MOCS1: variants seen among roughly 807,000 people sequenced by gnomAD.
The protein encoded by MOCS1 is molybdenum cofactor synthesis 1.
In MOCS1, 39 loss-of-function variants were observed where a neutral mutation model predicts 57.6. The observed-to-expected ratio is 0.68, with a 90% CI of 0.52 to 0.88. The LOEUF (loss-of-function observed/expected upper bound fraction) is 0.88. Ranked by LOEUF, MOCS1 falls within the 40% of genes least tolerant of loss-of-function variation. The pLI is 0.00. For missense variants in MOCS1, 795 were observed against 831.1 expected (o/e 0.96, Z 0.53); for synonymous variants, 334 against 335.7 (o/e 1.00, Z 0.05).
rs1766966790 is a variant in MOCS1 at position 39,906,618 on chromosome 6, C to T, written c.1650G>A (p.Leu550=). 6.2e-7 allele frequency: 1 copy of T among 1,613,802 alleles called. No homozygotes were observed. Among genetic ancestry groups the T allele is most frequent in the South Asian group, 1.1e-5 (1 of 91,090 alleles). The part of the protein sequence containing the change: ...GVQAAKVTSQ[L]IPLCHHVALS... The stretch of plus-strand genomic sequence containing the variant: ...GGGCCACGTGGTGGCACAGAGGGAT[C>T]AGCTGGCTGGTCACCTTGGCTGCCT... Residue 550 remains leucine (L), a synonymous_variant, in exon 11 of 11, where the codon CTG becomes CTA. Coordinates refer to ENST00000340692, the MANE Select transcript of MOCS1 (RefSeq NM_001358530.2).
intron 1 of MOCS1, chr6:39,927,657 T>A: frequency 6.3e-7 from 1 of 1,578,678 alleles, no homozygotes; most frequent in South Asian, 1.1e-5. Flanking sequence ...GACCCACCCC[T>A]TAAGTATTCA....
rs1227721462 is a variant in MOCS1 at position 39,913,221 on chromosome 6, C to T, written c.757+96G>A. The T allele has an allele frequency of 4.3e-5, 46 of 1,080,482 alleles. No individual in the cohort carries two copies. The East Asian group carries it at 1.0e-3, about 24-fold the overall frequency. 66.9% of individuals were successfully genotyped at this position (1,080,482 alleles called of 1,614,324 possible). On this transcript the variant is annotated intron_variant, in intron 6 of 10. Transcript: ENST00000340692. ...GCCCATCATAATCCTAGACTCACTG[C>T]CCCTGAGGTCAGCCATACCCAGTGG...
chr6:39,923,975 C>G (rs2504114), intron 3 of MOCS1, among the ~76,000 whole-genome samples: 4 of 151,930 alleles, frequency 2.6e-5, no homozygotes, highest in African/African-American at 9.7e-5. Flanking sequence ...AGCTGAGGGG[C>G]GGGGGGTCCT....
At chr6:39,915,788 T>C (rs1379037913) in intron 4 of MOCS1, among the ~76,000 whole-genome samples, 2 of 151,996 alleles carry the variant, frequency 1.3e-5, no homozygotes, top group African/African-American at 4.8e-5. Context: ...CTGTCTTGGT[T>C]TTAAAACTTC....
At chr6:39,916,004 C>T in intron 4 of MOCS1, 64 bp downstream of exon 4, 3 of 1,540,242 alleles carry the variant, frequency 1.9e-6, no homozygotes, top group East Asian at 4.9e-5. Flanking sequence ...TCAGCAATGG[C>T]CATGCCCTCC....
rs1562079750 is a variant in MOCS1, at chr6:39,905,616, A to C, written c.*741T>G. On this transcript the variant is annotated 3_prime_UTR_variant, in exon 11 of 11. Transcript: ENST00000340692. Reference sequence around the variant, plus strand: ...TTCCCTGATATGCTCCAGAATAAAGAGGGGTGGGTGGAACAGCCGTGAACA... The same window carrying C: ...TTCCCTGATATGCTCCAGAATAAAGCGGGGTGGGTGGAACAGCCGTGAACA... The C allele has an allele frequency of 2.1e-6, 1 of 471,010 alleles. No individual in the cohort carries two copies. The highest frequency in any genetic ancestry group is 1.5e-5 in the South Asian group (1 of 64,560). The allele number at this position is 471,010 out of a possible 1,614,324, so 29.2% of individuals were successfully genotyped here. A position where few individuals can be genotyped will look rare whatever the true frequency, so the allele number is the denominator to read the frequency against.
rs146075796 is a variant in MOCS1, at chr6:39,909,834, C to A, written c.1102+1G>T. The A allele has an allele frequency of 1.2e-6, 2 of 1,612,922 alleles. No individual in the cohort carries two copies. Among genetic ancestry groups the A allele is most frequent in the African/African-American group, 1.3e-5 (1 of 74,920 alleles). On this transcript the variant is annotated splice_donor_variant, in intron 9 of 10. Coordinates refer to ENST00000340692, the MANE Select transcript of MOCS1 (RefSeq NM_001358530.2). LOFTEE classifies it high-confidence loss of function. ...GCCAGCCCTCCCCACCCTGCACTTA[C>A]CTGCATGCTGCCGCTTCTTCCTGCC... is the stretch of plus-strand genomic sequence containing the variant.
In MOCS1 at chr6:39,913,575, C is replaced by T. The variant is rs909703532; in HGVS notation, c.646-147G>A. 6.3e-6 allele frequency: 6 copies of T among 950,624 alleles called. No homozygotes were observed. In the Admixed American group the frequency reaches 1.2e-4, roughly 19 times the overall value. The allele number at this position is 950,624 out of a possible 1,614,324, so 58.9% of individuals were successfully genotyped here. ...ACTCAGTTCTCTAAGTTACGGGATT[C>T]CTTGGGGTCACTGATTTTCTCGTTT... On this transcript the variant is annotated intron_variant, in intron 5 of 10. Coordinates refer to ENST00000340692, the MANE Select transcript of MOCS1 (RefSeq NM_001358530.2).
Position 39,909,098 on chromosome 6 carries a change from C to G in MOCS1, c.1107G>C (p.Met369Ile). ...VGRKKRQHAGMFSISQMKNRP... is the reference protein window; with the variant it reads ...VGRKKRQHAGIFSISQMKNRP... The stretch of plus-strand genomic sequence containing the variant: ...GGTTCTTCATCTGGGAAATACTGAA[C>G]ATGCCTGGGGTGAGGGAAAGATGGG... Residue 369 changes from methionine (M) to isoleucine (I), a missense_variant, in exon 10 of 11, where the codon ATG becomes ATC. Transcript: ENST00000340692. The G allele has an allele frequency of 6.2e-7, 1 of 1,606,516 alleles. No individual in the cohort carries two copies. The highest frequency in any genetic ancestry group is 8.5e-7 in the Non-Finnish European group (1 of 1,178,342).
intron 8 of MOCS1, among the ~76,000 whole-genome samples, chr6:39,911,248 C>T (rs1019316325): frequency 2.0e-5 from 3 of 152,260 alleles, no homozygotes; most frequent in African/African-American, 7.2e-5. Context: ...CCAAGCTTTT[C>T]AGCAACCTGC....
chr6:39,931,266 C>T (rs895387834), intron 1 of MOCS1, among the ~76,000 whole-genome samples: 2 of 152,138 alleles, frequency 1.3e-5, no homozygotes, highest in Admixed American at 1.3e-4. Flanking sequence ...CTCAAGGTGC[C>T]CTCCTCTACT....
intron 1 of MOCS1, among the ~76,000 whole-genome samples, chr6:39,933,437 T>C (rs1768742355): frequency 6.6e-6 from 1 of 151,992 alleles, no homozygotes; most frequent in African/African-American, 2.4e-5. Flanking sequence ...GCGGAAGTCA[T>C]TGAGCAATAT....
At chr6:39,908,373 GCAACAGCCA>G (rs1767086474) in intron 10 of MOCS1, among the ~76,000 whole-genome samples, 1 of 152,160 alleles carries the variant, frequency 6.6e-6, no homozygotes, top group Non-Finnish European at 1.5e-5. Context: ...TGACAGAGGG[GCAACAGCCA>G]CCCTACAGCT....
rs1234529686 is a variant in MOCS1, at chr6:39,905,350, A to G, written c.*1007T>C. On this transcript the variant is annotated 3_prime_UTR_variant, in exon 11 of 11. Transcript: ENST00000340692. ...GCCCCCTACTCCACTTTATTTTCCC[A>G]TAGCGGGGCTATACAGAGAGTACAC... 3 of 459,164 alleles carry G rather than the reference A, an allele frequency of 6.5e-6. No homozygotes were observed. The East Asian group carries it at 2.1e-4, about 32-fold the overall frequency. The allele number at this position is 459,164 out of a possible 1,614,324, so 28.4% of individuals were successfully genotyped here.
intron 4 of MOCS1, among the ~76,000 whole-genome samples, chr6:39,915,830 TGGGCAAACTG>T (rs1410238017): frequency 1.3e-5 from 2 of 151,990 alleles, no homozygotes; most frequent in Non-Finnish European, 2.9e-5. Flanking sequence ...CCTCAAGTCC[TGGGCAAACTG>T]GGGCTGGGGT....
intron 3 of MOCS1, among the ~76,000 whole-genome samples, chr6:39,922,205 C>G (rs1376378745): frequency 6.6e-6 from 1 of 152,198 alleles, no homozygotes. Flanking sequence ...AATTCAGTTT[C>G]TCGGTTACAT....
At chr6:39,911,214 C>T (rs1179051180) in intron 8 of MOCS1, among the ~76,000 whole-genome samples, 5 of 152,198 alleles carry the variant, frequency 3.3e-5, no homozygotes, top group African/African-American at 4.8e-5. Context: ...AAGTCAATTC[C>T]GTATCTCCAG....
chr6:39,912,895 G>T lies in MOCS1; in HGVS notation c.867C>A (p.Ala289=). The change falls in exon 7 of 11, where the codon GCC becomes GCA. Residue 289 remains alanine (A), a synonymous_variant. Coordinates refer to ENST00000340692, the MANE Select transcript of MOCS1 (RefSeq NM_001358530.2). ...EKVPEEESST[A]KAFKIPGFQG... is the part of the protein sequence containing the mutation. ...CCACACCCTCCTGCTCCCTAACCTT[G>T]GCTGTGCTGGATTCCTCCTCTGGCA... 1 of 1,613,602 alleles carries T rather than the reference G, an allele frequency of 6.2e-7. No individual in the cohort carries two copies. The highest frequency in any genetic ancestry group is 8.5e-7 in the Non-Finnish European group (1 of 1,179,562).
chr6:39,904,728 C>A lies in MOCS1; in HGVS notation c.*1629G>T, dbSNP rs3793137. ...CCGACTTCTACCAGGGATGCCTTCA[C>A]GCCAAGGCTGTTCTCACCAGCTGCC... On this transcript the variant is annotated 3_prime_UTR_variant, in exon 11 of 11. Transcript: ENST00000340692. 52,429 of 454,012 alleles carry A rather than the reference C, an allele frequency of 0.12. 4,290 individuals are homozygous for A. Among genetic ancestry groups the A allele is most frequent in the African/African-American group, 0.28 (14,185 of 50,072 alleles). The allele number at this position is 454,012 out of a possible 1,614,324, so 28.1% of individuals were successfully genotyped here.
Sources: gnomAD v4.1 joint callset for allele counts (sites outside exome capture counted in the v4.1 genomes callset) on GRCh38, gnomAD v4.1.1 for gene constraint, MANE v1.5 for transcripts, NCBI Gene and HGNC (gene_info 2026-07-23, HGNC 2026-07-21) for gene names.